Variants in EYA2 observed in about 807,000 individuals in gnomAD.
EYA2 encodes protein phosphatase EYA2.
EYA2 carries 31 observed loss-of-function variants against 69.2 expected under a neutral mutation model. The ratio of observed to expected loss-of-function variants is 0.45; its 90% CI spans 0.34 to 0.60. The LOEUF is 0.60. Among genes scored for constraint, EYA2 ranks in the 20% least tolerant of loss-of-function variants. The pLI, the probability that EYA2 is intolerant of heterozygous loss-of-function variation, is 0.02. For missense variants in EYA2, 622 were observed against 701.2 expected, an observed-to-expected ratio of 0.89 and a Z score of 1.28; for synonymous variants, 257 against 279.4, an observed-to-expected ratio of 0.92 and a Z score of 0.80.
At chr20:47,179,636 T>A (rs1393963322) in intron 12 of EYA2, among the ~76,000 whole-genome samples, 162 bp from the exon 13 acceptor site, 1 of 152,184 alleles carries the variant, frequency 6.6e-6, no homozygotes, top group South Asian at 2.1e-4. Flanking sequence ...ATCAATCTGT[T>A]GATCTCAGGA....
At chr20:47,148,408 T>C (rs1310639851) in intron 10 of EYA2, among the ~76,000 whole-genome samples, 1 of 152,196 alleles carries the variant, frequency 6.6e-6, no homozygotes, top group African/African-American at 2.4e-5. Context: ...TCCCTGGGGA[T>C]AGGCAAGTGG....
chr20:47,001,391 C>G lies in EYA2; in HGVS notation c.110-37C>G, dbSNP rs748140556. On this transcript the variant is annotated intron_variant, in intron 2 of 15. Transcript: ENST00000327619. Reference sequence around the variant, plus strand: ...CACCTCTGCAGAACATCACCCTAATCGCTAAAACTCTTCCAATTTTTCTTT... The same window carrying G: ...CACCTCTGCAGAACATCACCCTAATGGCTAAAACTCTTCCAATTTTTCTTT... 1.0e-5 allele frequency: 16 copies of G among 1,600,488 alleles called. No homozygotes were observed. In the East Asian group the frequency reaches 3.3e-4, roughly 33 times the overall value.
At chr20:47,034,440 G>T (rs1226243109) in intron 5 of EYA2, among the ~76,000 whole-genome samples, 2 of 152,230 alleles carry the variant, frequency 1.3e-5, no homozygotes, top group Non-Finnish European at 2.9e-5. Flanking sequence ...GCAGGGAGAT[G>T]AGTAGAGTCT....
At chr20:47,007,913 C>G (rs1377359858) in intron 4 of EYA2, among the ~76,000 whole-genome samples, 2 of 152,148 alleles carry the variant, frequency 1.3e-5, no homozygotes, top group African/African-American at 4.8e-5. Context: ...CAGGCATGAG[C>G]TACCATGCCC....
chr20:46,978,646 G>T (rs377376062), intron 1 of EYA2: 1 of 534,784 alleles, frequency 1.9e-6, no homozygotes, highest in South Asian at 1.4e-5. Flanking sequence ...GGTGAGGCGG[G>T]CAGGTTCAGA....
At chr20:46,943,738 C>T (rs961651939) in intron 1 of EYA2, among the ~76,000 whole-genome samples, 4 of 152,166 alleles carry the variant, frequency 2.6e-5, no homozygotes, top group Middle Eastern at 3.2e-3. Context: ...ATTCAGCCTC[C>T]GTGCTCCCGC....
chr20:47,081,788 AAAAAAG>A (rs1465196322), intron 7 of EYA2, among the ~76,000 whole-genome samples: 1 of 151,550 alleles, frequency 6.6e-6, no homozygotes, highest in Non-Finnish European at 1.5e-5. Flanking sequence ...CAAAAAAAAA[AAAAAAG>A]AAGAAAGAAA....
intron 5 of EYA2, among the ~76,000 whole-genome samples, chr20:47,024,819 T>C (rs1983986150): frequency 6.6e-6 from 1 of 152,194 alleles, no homozygotes; most frequent in African/African-American, 2.4e-5. Context: ...GCTGGGAGGG[T>C]AAATCCAGAC....
At chr20:47,081,913 C>G (rs896154930) in intron 7 of EYA2, among the ~76,000 whole-genome samples, 3 of 151,814 alleles carry the variant, frequency 2.0e-5, no homozygotes, top group African/African-American at 7.3e-5. Context: ...GACCTTGGCT[C>G]ACTGCAACCT....
intron 5 of EYA2, among the ~76,000 whole-genome samples, chr20:47,047,204 G>T (rs1207026140): frequency 2.0e-5 from 3 of 152,042 alleles, no homozygotes; most frequent in Non-Finnish European, 4.4e-5. Context: ...GTAATTCTGG[G>T]CCTGGGAGTG....
At position 47,175,147 on chromosome 20, in the gene EYA2, A is replaced by C. The variant is rs139925738; in HGVS notation, c.1198+2280A>C. 2.4e-3 allele frequency among the ~76,000 whole-genome samples: 361 copies of C among 152,350 alleles called. 1 individual carries two copies. The highest frequency in any genetic ancestry group is 2.7e-3 in the Non-Finnish European group (181 of 68,024). ...GTCAGCCAGTGAGGAGCCCACAGCC[A>C]GCGGCATGCCGGTCTCCTTCCCCAA... On this transcript the variant is annotated intron_variant, in intron 12 of 15. Transcript: ENST00000327619.
rs755139602 is a variant in EYA2, at chr20:46,987,989, TATATATATGG to T, written c.-10-2011_-10-2002del. On this transcript the variant is annotated intron_variant, in intron 1 of 15. Transcript: ENST00000327619. ...CTATATATATATATATATATATATA[TATATATATGG>T]GGCAAAAAAAAAATACAGAATAAAA... Among the ~76,000 whole-genome samples, 272 of 80,570 alleles carry T rather than the reference TATATATATGG, an allele frequency of 3.4e-3. 12 individuals are homozygous for T. Among genetic ancestry groups the T allele is most frequent in the Middle Eastern group, 9.8e-3 (2 of 204 alleles). The allele number at this position is 80,570 out of a possible 152,430, so 52.9% of individuals were successfully genotyped here.
Position 46,995,720 on chromosome 20 carries a change from G to A in EYA2, c.109+5601G>A, listed in dbSNP as rs925747895. ...GGTCCAATTAGGCAACATAACAGCC[G>A]TTGCTGCTTTCAGAATCATTAGCTT... On this transcript the variant is annotated intron_variant, in intron 2 of 15. Transcript: ENST00000327619. Among the ~76,000 whole-genome samples the A allele has an allele frequency of 3.9e-5, 6 of 152,340 alleles. No homozygotes were observed. The South Asian group carries it at 1.0e-3, about 26-fold the overall frequency.
intron 5 of EYA2, among the ~76,000 whole-genome samples, chr20:47,055,237 A>G (rs1379948804): frequency 6.6e-6 from 1 of 152,220 alleles, no homozygotes; most frequent in South Asian, 2.1e-4. Flanking sequence ...ATTGCCCTGC[A>G]TGGGACTGTA....
At chr20:46,911,231 T>TTG (rs140564632) in intron 1 of EYA2, among the ~76,000 whole-genome samples, 13,964 of 148,214 alleles carry the variant, frequency 0.094, 764 homozygotes, top group Admixed American at 0.17. Flanking sequence ...GCTGGATAAT[T>TTG]TGTGTGTGTG....
At chr20:47,126,507 A>G (rs2033195510) in intron 9 of EYA2, among the ~76,000 whole-genome samples, 1 of 152,156 alleles carries the variant, frequency 6.6e-6, no homozygotes, top group South Asian at 2.1e-4. Context: ...AGTCCTAACT[A>G]CTGGGCAGAG....
chr20:46,937,600 C>T (rs1985966843), intron 1 of EYA2, among the ~76,000 whole-genome samples: 1 of 151,202 alleles, frequency 6.6e-6, no homozygotes, highest in Non-Finnish European at 1.5e-5. Context: ...TCTGTTTCTC[C>T]TTGGTTTTCT....
intron 10 of EYA2, among the ~76,000 whole-genome samples, chr20:47,154,898 T>A (rs2033893513): frequency 6.8e-6 from 1 of 147,616 alleles, no homozygotes; most frequent in East Asian, 2.2e-4. Context: ...CAGGCTGGAG[T>A]GCAGTGCTGC....
In EYA2 at chr20:47,170,930, G is replaced by A. The variant is rs867962000; in HGVS notation, c.1037+1733G>A. On this transcript the variant is annotated intron_variant, in intron 11 of 15. Transcript: ENST00000327619. ...AAATTTCTGTTCCTGAGCCCTGCAA[G>A]TCTTTTCAAAGCCCGGCACAATCGG... Among the ~76,000 whole-genome samples, 11 of 152,352 alleles carry A rather than the reference G, an allele frequency of 7.2e-5. 1 individual carries two copies. Among genetic ancestry groups the A allele is most frequent in the Middle Eastern group, 6.8e-3 (2 of 294 alleles).
Sources: gnomAD v4.1 joint callset for allele counts (sites outside exome capture counted in the v4.1 genomes callset) on GRCh38, gnomAD v4.1.1 for gene constraint, MANE v1.5 for transcripts, NCBI Gene and HGNC (gene_info 2026-07-23, HGNC 2026-07-21) for gene names.